The following RTN4 variants were observed in gnomAD, a reference collection of about 807,000 sequenced individuals.
RTN4 encodes the protein reticulon 4, also known as reticulon-4.
Under a neutral mutation model 90.4 loss-of-function variants are expected in RTN4, and 32 were observed. The observed-to-expected ratio is 0.35, with a 90% confidence interval of 0.27 to 0.48. The LOEUF (loss-of-function observed/expected upper bound fraction) is 0.48. Ranked by LOEUF, RTN4 falls within the 20% of genes least tolerant of loss-of-function variation. The pLI, the probability that RTN4 is intolerant of heterozygous loss-of-function variation, is 0.99. For missense variants in RTN4, 1,706 were observed against 1,430.2 expected (o/e 1.19, Z -3.11); for synonymous variants, 629 against 552.5 (o/e 1.14, Z -1.94).
chr2:55,025,659 G>C lies in RTN4; in HGVS notation c.2440C>G (p.Leu814Val). ...KLSLDNTKDT[L>V]LPDEVSTLSK... ...AATGTTGAAACTTCATCAGGTAACA[G>C]GGTATCTTTTGTGTTATCTAAACTG... is the stretch of plus-strand genomic sequence containing the variant. The change falls in exon 3 of 9, where the codon CTG (leucine) becomes GTG (valine). Residue 814 changes from leucine (L) to valine (V), a missense_variant. Leu to Val is a conservative substitution (Grantham distance 32). Coordinates refer to ENST00000337526, the MANE Select transcript of RTN4 (RefSeq NM_020532.5). 1 of 1,613,794 alleles carries C rather than the reference G, an allele frequency of 6.2e-7. No homozygotes were observed. The highest frequency in any genetic ancestry group is 1.1e-5 in the South Asian group (1 of 91,076).
intron 2 of RTN4, among the ~76,000 whole-genome samples, chr2:55,066,189 GTGT>G (rs1668388065): frequency 1.5e-5 from 1 of 65,876 alleles, no homozygotes; most frequent in East Asian, 9.8e-4. Flanking sequence ...GTGTGTGTGT[GTGT>G]TTGTGTGTGT....
intron 3 of RTN4, among the ~76,000 whole-genome samples, chr2:54,996,820 G>A (rs976097771): frequency 3.3e-5 from 5 of 152,118 alleles, no homozygotes; most frequent in Non-Finnish European, 7.4e-5. Context: ...GAGTGGAGTG[G>A]TGCAAAAGCA....
chr2:55,064,477 A>C (rs1403700297), intron 2 of RTN4, among the ~76,000 whole-genome samples: 1 of 151,572 alleles, frequency 6.6e-6, no homozygotes, highest in Non-Finnish European at 1.5e-5. Flanking sequence ...CAGCCTCCCA[A>C]GTAGCTGGGA....
At chr2:55,092,692 A>C (rs895489715) in intron 1 of RTN4, among the ~76,000 whole-genome samples, 8 of 152,204 alleles carry the variant, frequency 5.3e-5, no homozygotes, top group African/African-American at 1.9e-4. Context: ...TAAAAGCCTC[A>C]CTCATTAGAG....
Position 55,049,790 on chromosome 2 carries a change from A to T in RTN4, c.511T>A (p.Ser171Thr). The T allele has an allele frequency of 8.6e-7, 1 of 1,164,598 alleles. No homozygotes were observed. Among genetic ancestry groups the T allele is most frequent in the Non-Finnish European group, 1.1e-6 (1 of 950,554 alleles). 72.1% of individuals were successfully genotyped at this position (1,164,598 alleles called of 1,614,324 possible). A position where few individuals can be genotyped will look rare whatever the true frequency, so the allele number is the denominator to read the frequency against. Residue 171 changes from serine to threonine, a missense_variant, in exon 1 of 9, where the codon TCC becomes ACC. Coordinates refer to ENST00000337526, the MANE Select transcript of RTN4 (RefSeq NM_020532.5). Reference sequence around the variant, plus strand: ...CTGCGCTTGGGCGCGGCCGGGGTGGAGGGGGGCGCGGCGGGAGCCGGGGCT... The same window carrying T: ...CTGCGCTTGGGCGCGGCCGGGGTGGTGGGGGGCGCGGCGGGAGCCGGGGCT... Reference protein sequence around the residue: ...PPAPAPAAPPSTPAAPKRRGS... With the variant: ...PPAPAPAAPPTTPAAPKRRGS...
At chr2:55,034,508 A>T (rs1227603488) in intron 1 of RTN4, among the ~76,000 whole-genome samples, 2 of 152,188 alleles carry the variant, frequency 1.3e-5, no homozygotes, top group Admixed American at 1.3e-4. Flanking sequence ...TCTCTAAACG[A>T]ACAAACAAAA....
At position 55,031,253 on chromosome 2, in the gene RTN4, G is replaced by A. The variant is rs547797695; in HGVS notation, c.557-3033C>T. ...ACTGGACAAGAGGCAGGACAGCAGT[G>A]TGAATCCTGAGAAAAGGGAAACCTG... On this transcript the variant is annotated intron_variant, in intron 1 of 8. Transcript: ENST00000337526. Among the ~76,000 whole-genome samples, 7 of 152,324 alleles carry A rather than the reference G, an allele frequency of 4.6e-5. No homozygotes were observed. In the East Asian group the frequency reaches 1.3e-3, roughly 29 times the overall value.
intron 3 of RTN4, among the ~76,000 whole-genome samples, chr2:55,022,930 C>CACA (rs1036253097): frequency 6.7e-6 from 1 of 150,310 alleles, no homozygotes; most frequent in Non-Finnish European, 1.5e-5. Flanking sequence ...CACACACACA[C>CACA]CCTGCTCTCC....
At chr2:55,072,986 C>G (rs1668542256) in intron 2 of RTN4, among the ~76,000 whole-genome samples, 1 of 152,186 alleles carries the variant, frequency 6.6e-6, no homozygotes, top group Non-Finnish European at 1.5e-5. Context: ...ATTCTTTCAT[C>G]TTATTCAATC....
chr2:55,038,787 T>C (rs886764245), intron 1 of RTN4, among the ~76,000 whole-genome samples: 3 of 152,210 alleles, frequency 2.0e-5, no homozygotes, highest in Non-Finnish European at 4.4e-5. Context: ...AATATATGCA[T>C]ACAAAAATGT....
At chr2:54,988,079 G>C (rs1168994215) in intron 3 of RTN4, among the ~76,000 whole-genome samples, 1 of 152,250 alleles carries the variant, frequency 6.6e-6, no homozygotes. Flanking sequence ...CACTGTGGGA[G>C]GCTGAGGCAG....
chr2:55,049,807 GC>G lies in RTN4; in HGVS notation c.493del (p.Ala165LeufsTer35), dbSNP rs1667996820. 7.7e-7 allele frequency: 1 copy of G among 1,304,234 alleles called. No individual in the cohort carries two copies. Among genetic ancestry groups the G allele is most frequent in the South Asian group, 2.2e-5 (1 of 45,466 alleles). The allele number at this position is 1,304,234 out of a possible 1,614,324, so 80.8% of individuals were successfully genotyped here. A position where few individuals can be genotyped will look rare whatever the true frequency, so the allele number is the denominator to read the frequency against. ...CGGGGTGGAGGGGGGCGCGGCGGGA[GC>G]CGGGGCTGGCGGGGTCCACACGGGC... The part of the protein sequence containing the change: ...AEPVWTPPAP[A>X]PAAPPSTPAA... On this transcript the variant is annotated frameshift_variant, in exon 1 of 9. Transcript: ENST00000337526. LOFTEE classifies it high-confidence loss of function.
At chr2:55,019,739 G>A (rs1219389117) in intron 3 of RTN4, among the ~76,000 whole-genome samples, 1 of 152,126 alleles carries the variant, frequency 6.6e-6, no homozygotes, top group Non-Finnish European at 1.5e-5. Flanking sequence ...TTGAGCAAGA[G>A]AGAAATAAAG....
chr2:55,056,938 G>A (rs1442957229), intron 2 of RTN4, among the ~76,000 whole-genome samples: 1 of 152,172 alleles, frequency 6.6e-6, no homozygotes, highest in Non-Finnish European at 1.5e-5. Flanking sequence ...CCTAGGTTTA[G>A]GTAGTAGGCT....
At chr2:55,087,521 T>C (rs1668865975) in intron 1 of RTN4, among the ~76,000 whole-genome samples, 1 of 152,226 alleles carries the variant, frequency 6.6e-6, no homozygotes, top group Non-Finnish European at 1.5e-5. Context: ...GATTTATCTG[T>C]GTTGGTACAT....
chr2:54,972,723 AAAC>A lies in RTN4; in HGVS notation c.*430_*432del. On this transcript the variant is annotated 3_prime_UTR_variant, in exon 9 of 9. Coordinates refer to ENST00000337526, the MANE Select transcript of RTN4 (RefSeq NM_020532.5). ...CTGCTTTACCGGTATGATCTCGTCT[AAAC>A]AAACATTTCATTTCAGAAAATCTGC... 6.4e-6 allele frequency: 1 copy of A among 156,072 alleles called. No individual in the cohort carries two copies. Among genetic ancestry groups the A allele is most frequent in the Non-Finnish European group, 1.4e-5 (1 of 70,554 alleles). The allele number at this position is 156,072 out of a possible 1,614,324, so 9.7% of individuals were successfully genotyped here.
intron 3 of RTN4, among the ~76,000 whole-genome samples, chr2:55,000,560 C>G (rs1311867076): frequency 6.6e-6 from 1 of 152,112 alleles, no homozygotes; most frequent in Non-Finnish European, 1.5e-5. Flanking sequence ...AGGCACTGTG[C>G]TGAGTACATT....
chr2:55,014,756 C>T (rs1680907419), intron 3 of RTN4, among the ~76,000 whole-genome samples: 1 of 152,114 alleles, frequency 6.6e-6, no homozygotes, highest in Non-Finnish European at 1.5e-5. Context: ...ACCTCGTGAT[C>T]TGCCCGCCTT....
intron 3 of RTN4, among the ~76,000 whole-genome samples, chr2:55,005,672 C>T (rs1196040083): frequency 6.6e-6 from 1 of 152,008 alleles, no homozygotes; most frequent in Non-Finnish European, 1.5e-5. Flanking sequence ...TTGAGTATTA[C>T]TGTAATATGT....
Sources: allele counts gnomAD v4.1 joint callset (sites outside exome capture counted in the v4.1 genomes callset), GRCh38; gene constraint gnomAD v4.1.1; transcripts MANE v1.5; gene names NCBI Gene and HGNC (gene_info 2026-07-23, HGNC 2026-07-21).